The following CTNNA2 variants were observed in gnomAD, a reference collection of about 807,000 sequenced individuals.
CTNNA2 encodes catenin alpha 2, also known as catenin alpha-2.
In CTNNA2, 42 loss-of-function variants were observed where a neutral mutation model predicts 101.0. The ratio of observed to expected loss-of-function variants is 0.42; its 90% CI spans 0.32 to 0.54. The LOEUF is 0.54. Among genes scored for constraint, CTNNA2 ranks in the 20% least tolerant of loss-of-function variants. CTNNA2 has a pLI of 0.14. For missense variants in CTNNA2, 871 were observed against 1,223.1 expected (o/e 0.71, Z 4.29); for synonymous variants, 450 against 456.4 (o/e 0.99, Z 0.18).
At chr2:80,210,043 T>G (rs1456889857) in intron 7 of CTNNA2, among the ~76,000 whole-genome samples, 2 of 152,206 alleles carry the variant, frequency 1.3e-5, no homozygotes, top group African/African-American at 2.4e-5. Context: ...GTAAATACAA[T>G]TTTTTCGATA....
intron 7 of CTNNA2, among the ~76,000 whole-genome samples, chr2:79,991,354 TC>T (rs1478584707): frequency 6.6e-6 from 1 of 152,002 alleles, no homozygotes; most frequent in African/African-American, 2.4e-5. Context: ...CAATACCACC[TC>T]CCCCTTTTTT....
chr2:80,120,195 A>G (rs779239348), intron 7 of CTNNA2, among the ~76,000 whole-genome samples: 3 of 152,244 alleles, frequency 2.0e-5, no homozygotes, highest in Non-Finnish European at 4.4e-5. Flanking sequence ...GATGACAGTC[A>G]ATAGACTTTC....
At chr2:79,821,023 CAAAAT>C (rs1424097085) in intron 3 of CTNNA2, among the ~76,000 whole-genome samples, 2 of 151,960 alleles carry the variant, frequency 1.3e-5, no homozygotes, top group African/African-American at 4.8e-5. Context: ...ATAACATAAA[CAAAAT>C]AAATCTCCTA....
chr2:79,985,945 C>A (rs769053826), intron 7 of CTNNA2, among the ~76,000 whole-genome samples: 1 of 152,180 alleles, frequency 6.6e-6, no homozygotes, highest in Non-Finnish European at 1.5e-5. Flanking sequence ...CTTGCCCACA[C>A]CCCAGGCAAC....
At chr2:80,112,508 C>T (rs1402182779) in intron 7 of CTNNA2, among the ~76,000 whole-genome samples, 1 of 152,080 alleles carries the variant, frequency 6.6e-6, no homozygotes, top group African/African-American at 2.4e-5. Context: ...CCATTATTAT[C>T]TTCATCATCA....
chr2:80,267,499 A>C (rs899715865), intron 7 of CTNNA2, among the ~76,000 whole-genome samples: 8 of 152,188 alleles, frequency 5.3e-5, no homozygotes, highest in South Asian at 2.1e-4. Context: ...CCCGGACTAT[A>C]GTGCTGAGGC....
At chr2:80,600,116 G>A (rs1330010803) in intron 15 of CTNNA2, among the ~76,000 whole-genome samples, 2 of 151,868 alleles carry the variant, frequency 1.3e-5, no homozygotes, top group Non-Finnish European at 2.9e-5. Context: ...TTCGGGAAAG[G>A]ATTAACTTTT....
At chr2:79,310,878 G>T (rs1176077481) in intron 2 of CTNNA2, among the ~76,000 whole-genome samples, 2 of 152,078 alleles carry the variant, frequency 1.3e-5, no homozygotes, top group Non-Finnish European at 2.9e-5. Context: ...CATTTTCTCT[G>T]GTTCTTAGAC....
intron 2 of CTNNA2, among the ~76,000 whole-genome samples, chr2:79,737,133 A>C (rs1670940333): frequency 6.6e-6 from 1 of 152,132 alleles, no homozygotes; most frequent in Non-Finnish European, 1.5e-5. Flanking sequence ...GGATCACCTG[A>C]GGTCAGGAGT....
intron 1 of CTNNA2, among the ~76,000 whole-genome samples, chr2:79,527,000 G>A (rs1672444079): frequency 6.6e-6 from 1 of 152,010 alleles, no homozygotes; most frequent in African/African-American, 2.4e-5. Context: ...GAAAAATAAT[G>A]TAAATTTGAC....
At chr2:80,419,144 A>G (rs954310004) in intron 8 of CTNNA2, among the ~76,000 whole-genome samples, 15 of 152,290 alleles carry the variant, frequency 9.8e-5, no homozygotes, top group South Asian at 6.2e-4. Context: ...GTCATGATTC[A>G]AAACATCCAG....
intron 9 of CTNNA2, among the ~76,000 whole-genome samples, chr2:80,454,856 C>G (rs2149462361): frequency 6.6e-6 from 1 of 152,348 alleles, no homozygotes; most frequent in East Asian, 1.9e-4. Context: ...GGCGGGCAGT[C>G]AGTGCTTCCC....
intron 11 of CTNNA2, among the ~76,000 whole-genome samples, chr2:80,549,458 T>C (rs1692373053): frequency 6.6e-6 from 1 of 152,236 alleles, no homozygotes; most frequent in Non-Finnish European, 1.5e-5. Context: ...ATCACTGATT[T>C]TTTTTCATAA....
chr2:79,528,984 G>A (rs1374098876), intron 1 of CTNNA2, among the ~76,000 whole-genome samples: 2 of 152,298 alleles, frequency 1.3e-5, no homozygotes, highest in East Asian at 1.9e-4. Context: ...GTTATAGGTA[G>A]CAGTGATGAA....
intron 2 of CTNNA2, among the ~76,000 whole-genome samples, chr2:79,305,373 C>CATATATATATATATATATATATATAT (rs56285145): frequency 2.4e-4 from 33 of 138,236 alleles, no homozygotes; most frequent in African/African-American, 8.6e-4. Flanking sequence ...TATATATACA[C>CATATATATATATATATATATATATAT]ATATATATAT....
intron 7 of CTNNA2, among the ~76,000 whole-genome samples, chr2:79,990,384 C>T (rs987711225): frequency 1.3e-5 from 2 of 151,982 alleles, no homozygotes; most frequent in Non-Finnish European, 2.9e-5. Context: ...CCTACTGATA[C>T]CAGGAAGAGT....
chr2:79,858,257 A>G (rs1431350323), intron 4 of CTNNA2, 78 bp downstream of exon 4: 3 of 1,169,910 alleles, frequency 2.6e-6, no homozygotes, highest in Admixed American at 4.0e-5. Context: ...TCTGGCCTCT[A>G]CTCTAGATGT....
At position 79,814,638 on chromosome 2, in the gene CTNNA2, C is replaced by CACACACAT. The variant is rs145584853; in HGVS notation, c.299-43374_299-43373insCACACATA. Among the ~76,000 whole-genome samples the CACACACAT allele has an allele frequency of 4.4e-3, 645 of 147,040 alleles. 5 individuals are homozygous for CACACACAT. The highest frequency in any genetic ancestry group is 9.4e-3 in the African/African-American group (370 of 39,254). On this transcript the variant is annotated intron_variant, in intron 3 of 18. Transcript: ENST00000402739. ...ACACACACACACACACACACACACA[C>CACACACAT]ATATATATATATATCACAGTTTCTT...
intron 2 of CTNNA2, among the ~76,000 whole-genome samples, chr2:79,237,022 A>G (rs1674566110): frequency 6.6e-6 from 1 of 152,186 alleles, no homozygotes; most frequent in African/African-American, 2.4e-5. Flanking sequence ...GGCATCTAAA[A>G]TGGTGAATAT....
Sources: gnomAD v4.1 joint callset for allele counts (sites outside exome capture counted in the v4.1 genomes callset) on GRCh38, gnomAD v4.1.1 for gene constraint, MANE v1.5 for transcripts, NCBI Gene and HGNC (gene_info 2026-07-23, HGNC 2026-07-21) for gene names.